DNAH14: variants seen among roughly 807,000 people sequenced by gnomAD.
DNAH14 encodes dynein axonemal heavy chain 14, also known as axonemal beta dynein heavy chain 14.
In DNAH14, 478 loss-of-function variants were observed where a neutral mutation model predicts 520.9. The observed-to-expected ratio is 0.92, with a 90% CI of 0.85 to 0.99. The LOEUF is 0.99. Ranked by LOEUF, DNAH14 falls within the 50% of genes least tolerant of loss-of-function variation. The pLI, the probability that DNAH14 is intolerant of heterozygous loss-of-function variation, is 0.00. For synonymous variants in DNAH14, 1,581 were observed against 1,757.2 expected, an observed-to-expected ratio of 0.90 and a Z score of 2.51; for missense variants, 4,831 against 5,234.5, an observed-to-expected ratio of 0.92 and a Z score of 2.38.
chr1:225,041,333 A>C (rs940706783), intron 12 of DNAH14, among the ~76,000 whole-genome samples: 4 of 152,160 alleles, frequency 2.6e-5, no homozygotes, highest in African/African-American at 4.8e-5. Context: ...TTCCCTTCCT[A>C]ATCCCCATTG....
chr1:225,106,427 C>G (rs2076053212), intron 23 of DNAH14, among the ~76,000 whole-genome samples: 1 of 152,074 alleles, frequency 6.6e-6, no homozygotes, highest in African/African-American at 2.4e-5. Flanking sequence ...GAATGTTGGC[C>G]TGCCTTGCTA....
At chr1:225,306,446 A>G (rs1427847440) in intron 58 of DNAH14, among the ~76,000 whole-genome samples, 2 of 152,186 alleles carry the variant, frequency 1.3e-5, no homozygotes, top group African/African-American at 2.4e-5. Context: ...AGTTAAATTA[A>G]GGATGATGTC....
At chr1:225,334,733 G>C (rs1298243772) in intron 66 of DNAH14, among the ~76,000 whole-genome samples, 1 of 151,038 alleles carries the variant, frequency 6.6e-6, no homozygotes, top group African/African-American at 2.4e-5. Context: ...ATGCACAATG[G>C]TGACACGTGC....
intron 17 of DNAH14, among the ~76,000 whole-genome samples, chr1:225,056,766 A>C (rs1434287502): frequency 6.6e-6 from 1 of 152,160 alleles, no homozygotes; most frequent in Non-Finnish European, 1.5e-5. Flanking sequence ...CAGTTTTCCC[A>C]GCACCATTTA....
rs1169182387 is a variant in DNAH14, at chr1:225,089,442, CAAAA to C, written c.3573+3673_3573+3676del. ...CTGGGCAACAAGAGCAAAACTCCGT[CAAAA>C]AAAAAAAAAAAAAAAAAAAGAGAGC... On this transcript the variant is annotated intron_variant, in intron 21 of 85. Transcript: ENST00000682510. Among the ~76,000 whole-genome samples, 71 of 29,896 alleles carry C rather than the reference CAAAA, an allele frequency of 2.4e-3. 2 individuals carry two copies. Among genetic ancestry groups the C allele is most frequent in the Non-Finnish European group, 3.9e-3 (61 of 15,752 alleles). The allele number at this position is 29,896 out of a possible 152,430, so 19.6% of individuals were successfully genotyped here.
chr1:224,973,582 T>C (rs2061632740), intron 7 of DNAH14, among the ~76,000 whole-genome samples: 1 of 152,210 alleles, frequency 6.6e-6, no homozygotes, highest in Admixed American at 6.5e-5. Flanking sequence ...AGGGAAACTT[T>C]CCAATTCTTT....
At chr1:225,072,818 G>A (rs2071709684) in intron 17 of DNAH14, among the ~76,000 whole-genome samples, 1 of 152,100 alleles carries the variant, frequency 6.6e-6, no homozygotes, top group African/African-American at 2.4e-5. Flanking sequence ...TCCAGTATTT[G>A]GAGTTATCGT....
At chr1:225,297,940 G>A (rs2094047952) in intron 55 of DNAH14, among the ~76,000 whole-genome samples, 2 of 152,170 alleles carry the variant, frequency 1.3e-5, no homozygotes, top group South Asian at 4.1e-4. Flanking sequence ...CCAGGGACAT[G>A]TCTGCAGCAC....
chr1:225,387,278 A>C (rs1351038435), intron 81 of DNAH14, among the ~76,000 whole-genome samples: 1 of 151,896 alleles, frequency 6.6e-6, no homozygotes, highest in Admixed American at 6.6e-5. Flanking sequence ...GGAGATATAC[A>C]TAATGTAAAT....
chr1:224,962,636 C>T (rs1271185046), intron 4 of DNAH14, among the ~76,000 whole-genome samples: 1 of 152,134 alleles, frequency 6.6e-6, no homozygotes, highest in East Asian at 1.9e-4. Context: ...GATTTCTGCC[C>T]TGCGAGAACC....
chr1:225,382,135 C>T (rs570117027), intron 81 of DNAH14, among the ~76,000 whole-genome samples: 7 of 152,264 alleles, frequency 4.6e-5, no homozygotes, highest in African/African-American at 1.7e-4. Flanking sequence ...GATTGAAAAC[C>T]TGTGTAGACA....
chr1:225,019,100 G>A (rs914572422), intron 10 of DNAH14, among the ~76,000 whole-genome samples: 3 of 152,096 alleles, frequency 2.0e-5, no homozygotes, highest in African/African-American at 7.2e-5. Context: ...TGGGCTAAAT[G>A]CCCCACTTTA....
Position 225,254,031 on chromosome 1 carries a change from A to G in DNAH14, c.6865+1614A>G, listed in dbSNP as rs141613613. Among the ~76,000 whole-genome samples, 171 of 152,294 alleles carry G rather than the reference A, an allele frequency of 1.1e-3. 2 individuals are homozygous for G. Among genetic ancestry groups the G allele is most frequent in the African/African-American group, 3.9e-3 (162 of 41,578 alleles). Reference sequence around the variant, plus strand: ...GTGAATCATGCAAATTCTAGATTGTACAATTAAAAAGAAAGGAATGTACAC... The same window carrying G: ...GTGAATCATGCAAATTCTAGATTGTGCAATTAAAAAGAAAGGAATGTACAC... On this transcript the variant is annotated intron_variant, in intron 44 of 85. Transcript: ENST00000682510.
At chr1:225,220,959 A>G (rs1417164575) in intron 41 of DNAH14, among the ~76,000 whole-genome samples, 1 of 152,212 alleles carries the variant, frequency 6.6e-6, no homozygotes, top group East Asian at 1.9e-4. Context: ...AAACAGATAT[A>G]TAGACCAATG....
chr1:224,935,996 CA>C (rs1297302267), intron 1 of DNAH14, among the ~76,000 whole-genome samples: 1 of 151,104 alleles, frequency 6.6e-6, no homozygotes, highest in African/African-American at 2.4e-5. Context: ...AAGACAGAAA[CA>C]AAAAAAATTT....
At chr1:225,246,633 C>A (rs1373433963) in intron 43 of DNAH14, among the ~76,000 whole-genome samples, 2 of 152,150 alleles carry the variant, frequency 1.3e-5, no homozygotes, top group Non-Finnish European at 2.9e-5. Flanking sequence ...AAAAAAAGTT[C>A]TTCATCACTG....
chr1:225,181,801 T>G (rs1239706034), intron 36 of DNAH14, among the ~76,000 whole-genome samples: 1 of 152,228 alleles, frequency 6.6e-6, no homozygotes, highest in Non-Finnish European at 1.5e-5. Flanking sequence ...GTCAGTTTTG[T>G]TGAAGATCAG....
At chr1:225,039,834 C>T (rs1217287214) in intron 12 of DNAH14, among the ~76,000 whole-genome samples, 1 of 128,138 alleles carries the variant, frequency 7.8e-6, no homozygotes, top group Non-Finnish European at 1.7e-5. Context: ...GCCGAGATCC[C>T]GCCACTGCAC....
At chr1:225,094,656 C>CAAAAAAAAAAAAAAAAAAAAAA (rs760828776) in intron 21 of DNAH14, among the ~76,000 whole-genome samples, 1 of 77,822 alleles carries the variant, frequency 1.3e-5, no homozygotes, top group Non-Finnish European at 3.4e-5. Flanking sequence ...TTCTGCACAG[C>CAAAAAAAAAAAAAAAAAAAAAA]AAAAAAAAAA....
Sources: allele counts gnomAD v4.1 joint callset (sites outside exome capture counted in the v4.1 genomes callset), GRCh38; gene constraint gnomAD v4.1.1; transcripts MANE v1.5; gene names NCBI Gene and HGNC (gene_info 2026-07-23, HGNC 2026-07-21).